The following RER1 variants were observed in gnomAD, a reference collection of about 807,000 sequenced individuals.
RER1 encodes the protein retention in endoplasmic reticulum sorting receptor 1.
In RER1, 6 loss-of-function variants were observed where a neutral mutation model predicts 28.3. That is an observed-to-expected ratio of 0.21 (90% CI 0.12 to 0.42). The LOEUF (loss-of-function observed/expected upper bound fraction) is 0.42. Among genes scored for constraint, RER1 ranks in the 10% least tolerant of loss-of-function variants. RER1 has a pLI of 1.00. For missense variants in RER1, 159 were observed against 252.9 expected, an observed-to-expected ratio of 0.63 and a Z score of 2.52; for synonymous variants, 110 against 95.9, an observed-to-expected ratio of 1.15 and a Z score of -0.86.
At chr1:2,397,631 A>G (rs1024059933) in intron 3 of RER1, among the ~76,000 whole-genome samples, 1 of 152,148 alleles carries the variant, frequency 6.6e-6, no homozygotes, top group Non-Finnish European at 1.5e-5. Flanking sequence ...GGGTTTATGT[A>G]GCTTTTCCTG....
At position 2,396,248 on chromosome 1, in the gene RER1, C is replaced by G. The variant is rs1205651145; in HGVS notation, c.81+377C>G. 4.8e-5 allele frequency: 13 copies of G among 268,768 alleles called. No individual in the cohort carries two copies. The East Asian group carries it at 1.1e-3, about 23-fold the overall frequency. 16.6% of individuals were successfully genotyped at this position (268,768 alleles called of 1,614,324 possible). The stretch of plus-strand genomic sequence containing the variant: ...TAGCCCCACCTGCCCCGTGTCAGCT[C>G]GGCGGTTCTGTCCTTGAGGGTGAGA... On this transcript the variant is annotated intron_variant, in intron 2 of 6. Transcript: ENST00000605895.
In RER1 at chr1:2,404,193, C is replaced by T. The variant is rs1642921979; in HGVS notation, c.*1069C>T. 1 of 152,212 alleles carries T rather than the reference C, an allele frequency of 6.6e-6. No homozygotes were observed. Among genetic ancestry groups the T allele is most frequent in the Non-Finnish European group, 1.5e-5 (1 of 68,060 alleles). 9.4% of individuals were successfully genotyped at this position (152,212 alleles called of 1,614,324 possible). On this transcript the variant is annotated 3_prime_UTR_variant, in exon 7 of 7. Transcript: ENST00000605895. ...CCTCACTCTGGGCGGTGTTTCCTGT[C>T]TCAGAATTGACACGGTGAATGCTTA...
chr1:2,398,124 C>A (rs193006211), intron 3 of RER1, among the ~76,000 whole-genome samples: 1 of 152,222 alleles, frequency 6.6e-6, no homozygotes, highest in East Asian at 1.9e-4. Context: ...TTATTGCGTT[C>A]GAAACCAAGC....
rs1039558634 is a variant in RER1 at position 2,404,061 on chromosome 1, C to G, written c.*937C>G. On this transcript the variant is annotated 3_prime_UTR_variant, in exon 7 of 7. Transcript: ENST00000605895. Reference sequence around the variant, plus strand: ...AAGCCCACCTTTTGTTTGGCCTTTTCGAAAGGTGACCCATATTGCACAGCA... The same window carrying G: ...AAGCCCACCTTTTGTTTGGCCTTTTGGAAAGGTGACCCATATTGCACAGCA... The G allele has an allele frequency of 6.6e-6, 1 of 152,232 alleles. No individual in the cohort carries two copies. The highest frequency in any genetic ancestry group is 1.5e-5 in the Non-Finnish European group (1 of 68,046). 9.4% of individuals were successfully genotyped at this position (152,232 alleles called of 1,614,324 possible). A position where few individuals can be genotyped will look rare whatever the true frequency, so the allele number is the denominator to read the frequency against.
At chr1:2,396,081 T>A in intron 2 of RER1, 2 of 566,218 alleles carry the variant, frequency 3.5e-6, no homozygotes, top group Non-Finnish European at 3.2e-6. Context: ...ATCAAACATA[T>A]GCGTTTTCTG....
chr1:2,395,736 C>T (rs1642759497), intron 1 of RER1, 48 bp from the exon 2 acceptor site: 1 of 1,350,750 alleles, frequency 7.4e-7, no homozygotes, highest in Non-Finnish European at 1.1e-6. Context: ...CAGGATTTCA[C>T]ACCCGTGAAT....
chr1:2,400,622 T>G (rs1159440573), intron 4 of RER1, among the ~76,000 whole-genome samples: 1 of 152,270 alleles, frequency 6.6e-6, no homozygotes. Flanking sequence ...GTTGAATTCT[T>G]CGTGCATTGA....
At chr1:2,402,617 G>A (rs1161582855) in intron 6 of RER1, among the ~76,000 whole-genome samples, 4 of 152,226 alleles carry the variant, frequency 2.6e-5, no homozygotes, top group African/African-American at 4.8e-5. Flanking sequence ...CAGTGTCCCG[G>A]TGGCTCCTCT....
intron 2 of RER1, 114 bp from the exon 3 acceptor site, chr1:2,397,002 C>T (rs1020392355): frequency 1.1e-5 from 7 of 639,380 alleles, no homozygotes; most frequent in African/African-American, 1.1e-4. Context: ...TTAACTCACT[C>T]TTTTAGCTGT....
intron 5 of RER1, among the ~76,000 whole-genome samples, chr1:2,401,567 G>A (rs1415912553): frequency 2.0e-5 from 3 of 151,106 alleles, no homozygotes; most frequent in African/African-American, 4.9e-5. Context: ...TCAGAGGGAC[G>A]GGAGCGTGTG....
At chr1:2,396,608 A>C (rs1291119495) in intron 2 of RER1, among the ~76,000 whole-genome samples, 1 of 152,260 alleles carries the variant, frequency 6.6e-6, no homozygotes, top group Non-Finnish European at 1.5e-5. Context: ...CATAAAACTA[A>C]GGGCTCCTTC....
intron 3 of RER1, among the ~76,000 whole-genome samples, chr1:2,397,856 G>A (rs1015267546): frequency 2.0e-5 from 3 of 152,172 alleles, no homozygotes; most frequent in Non-Finnish European, 2.9e-5. Context: ...GGAATTCTTC[G>A]TCGGTCTTTA....
chr1:2,392,538 A>G (rs1365576665), intron 1 of RER1, among the ~76,000 whole-genome samples: 3 of 152,206 alleles, frequency 2.0e-5, no homozygotes, highest in South Asian at 2.1e-4. Flanking sequence ...CCCACTGATA[A>G]AGGTATCGTT....
intron 1 of RER1, among the ~76,000 whole-genome samples, chr1:2,392,360 C>T (rs1055625271): frequency 2.0e-5 from 3 of 152,336 alleles, no homozygotes; most frequent in South Asian, 2.1e-4. Flanking sequence ...GTGCCCTGTC[C>T]CCATCCTGCG....
At chr1:2,396,618 C>T (rs769875227) in intron 2 of RER1, among the ~76,000 whole-genome samples, 1 of 152,218 alleles carries the variant, frequency 6.6e-6, no homozygotes. Flanking sequence ...AGGGCTCCTT[C>T]GGTCATGTCC....
intron 1 of RER1, chr1:2,395,282 T>C (rs976348347): frequency 3.6e-5 from 6 of 164,946 alleles, no homozygotes; most frequent in African/African-American, 9.5e-5. Flanking sequence ...AACATTTTCC[T>C]GTTCATGGGG....
intron 1 of RER1, among the ~76,000 whole-genome samples, chr1:2,392,645 C>G (rs957586480): frequency 6.6e-6 from 1 of 152,184 alleles, no homozygotes; most frequent in South Asian, 2.1e-4. Context: ...AGAGTAGAGA[C>G]TGGCCGCTAG....
At chr1:2,392,624 T>C (rs1374287093) in intron 1 of RER1, among the ~76,000 whole-genome samples, 1 of 152,234 alleles carries the variant, frequency 6.6e-6, no homozygotes, top group Non-Finnish European at 1.5e-5. Context: ...TTTGCCCTTT[T>C]CCCTTTATGA....
intron 2 of RER1, chr1:2,396,159 G>A (rs1642765007): frequency 5.1e-6 from 2 of 390,114 alleles, no homozygotes; most frequent in Non-Finnish European, 9.6e-6. Flanking sequence ...CAGGACAGAT[G>A]CGGCCGTGGC....
Sources: gnomAD v4.1 joint callset for allele counts (sites outside exome capture counted in the v4.1 genomes callset) on GRCh38, gnomAD v4.1.1 for gene constraint, MANE v1.5 for transcripts, NCBI Gene and HGNC (gene_info 2026-07-23, HGNC 2026-07-21) for gene names.